WASF2: variants seen among roughly 807,000 people sequenced by gnomAD.
WASF2 encodes the protein WASP family member 2, also known as actin-binding protein WASF2.
A neutral mutation model predicts 45.0 loss-of-function variants in WASF2; 14 were observed. That is an observed-to-expected ratio of 0.31 (90% CI 0.21 to 0.49). The LOEUF (loss-of-function observed/expected upper bound fraction) is 0.49. WASF2 is among the 20% of genes least tolerant of loss of function. WASF2 has a pLI of 0.99. For missense variants in WASF2, 439 were observed against 636.1 expected (o/e 0.69, Z 3.33); for synonymous variants, 200 against 236.3 (o/e 0.85, Z 1.41).
intron 1 of WASF2, among the ~76,000 whole-genome samples, chr1:27,433,029 CT>C (rs1372252981): frequency 6.6e-6 from 1 of 152,198 alleles, no homozygotes; most frequent in Admixed American, 6.5e-5. Context: ...TCCCAAAGTG[CT>C]GGGATTACAG....
At chr1:27,454,139 G>A (rs1310452517) in intron 1 of WASF2, among the ~76,000 whole-genome samples, 1,277 of 5,604 alleles carry the variant, frequency 0.23, 15 homozygotes, top group African/African-American at 0.28. Flanking sequence ...ATATATATGT[G>A]TGTGTGTGTG....
At chr1:27,489,398 T>C (rs1221188920) in intron 1 of WASF2, among the ~76,000 whole-genome samples, 14 of 66,246 alleles carry the variant, frequency 2.1e-4, no homozygotes, top group Non-Finnish European at 2.5e-4. Context: ...CACAGTGTCC[T>C]CCTCAATTTA....
chr1:27,440,126 C>T (rs531013787), intron 1 of WASF2, among the ~76,000 whole-genome samples: 53 of 152,314 alleles, frequency 3.5e-4, no homozygotes, highest in African/African-American at 1.2e-3. Context: ...AAGTCTTGAA[C>T]TTTACCACTA....
chr1:27,439,545 T>C (rs919737804), intron 1 of WASF2, among the ~76,000 whole-genome samples: 1 of 152,198 alleles, frequency 6.6e-6, no homozygotes, highest in African/African-American at 2.4e-5. Flanking sequence ...GTATAAAATC[T>C]CTTCCCTTGA....
chr1:27,409,704 C>G lies in WASF2; in HGVS notation c.1327G>C (p.Ala443Pro). 6.7e-7 allele frequency: 1 copy of G among 1,500,244 alleles called. No homozygotes were observed. Among genetic ancestry groups the G allele is most frequent in the Non-Finnish European group, 8.9e-7 (1 of 1,124,466 alleles). 92.9% of individuals were successfully genotyped at this position (1,500,244 alleles called of 1,614,324 possible). The change falls in exon 8 of 9, where the codon GCC becomes CCC. Residue 443 changes from alanine (A) to proline (P), a missense_variant. This residue lies in a region of WASF2 where 286 missense variants were observed against 373.5 expected (regional missense o/e 0.77). Coordinates refer to ENST00000618852, the MANE Select transcript of WASF2 (RefSeq NM_006990.5). ...CATTGAAATTTACCTTGACGGATGGCTGAAAGCAGGTCGCTACGGGCATCG... is the reference window on the plus strand; with the variant it reads ...CATTGAAATTTACCTTGACGGATGGGTGAAAGCAGGTCGCTACGGGCATCG... ...VSDARSDLLS[A>P]IRQGFQLRRV...
chr1:27,430,608 T>C (rs1240072009), intron 1 of WASF2, among the ~76,000 whole-genome samples: 2 of 151,806 alleles, frequency 1.3e-5, no homozygotes, highest in Non-Finnish European at 2.9e-5. Flanking sequence ...CCTCCCAAAG[T>C]GCTGGGACTA....
Position 27,410,838 on chromosome 1 carries a change from T to C in WASF2, c.825-632A>G. Among the ~76,000 whole-genome samples the C allele has an allele frequency of 6.6e-6, 1 of 152,176 alleles. No individual in the cohort carries two copies. The highest frequency in any genetic ancestry group is 2.1e-4 in the South Asian group (1 of 4,828). The stretch of plus-strand genomic sequence containing the variant: ...AATCTGCAGAGATGGGAAATGAATG[T>C]GCCACCAGACTCCTGACCCAGGCCT... On this transcript the variant is annotated intron_variant, in intron 7 of 8. Coordinates refer to ENST00000618852, the MANE Select transcript of WASF2 (RefSeq NM_006990.5). The surrounding 1 kb of genome is among the most constrained non-coding windows in gnomAD (Gnocchi z 4.2).
chr1:27,446,245 C>T (rs2017308775), intron 1 of WASF2, among the ~76,000 whole-genome samples: 1 of 152,040 alleles, frequency 6.6e-6, no homozygotes, highest in African/African-American at 2.4e-5. Context: ...GTATCTCTTT[C>T]AATATATATA....
intron 1 of WASF2, among the ~76,000 whole-genome samples, chr1:27,488,345 CAAAG>C (rs1457194046): frequency 6.6e-6 from 1 of 152,106 alleles, no homozygotes; most frequent in East Asian, 1.9e-4. Flanking sequence ...ACAGGTTGCA[CAAAG>C]AAAGGGATAT....
intron 1 of WASF2, among the ~76,000 whole-genome samples, chr1:27,455,991 GATGAAC>G (rs1384315140): frequency 1.3e-5 from 2 of 152,066 alleles, no homozygotes; most frequent in Non-Finnish European, 2.9e-5. Context: ...TGGACAGAAA[GATGAAC>G]ATAAATCTAC....
At position 27,456,989 on chromosome 1, in the gene WASF2, G is replaced by A. The variant is rs530160191; in HGVS notation, c.-43-28056C>T. The stretch of plus-strand genomic sequence containing the variant: ...ACTCCTGACCTCAGGTGATCTGCCC[G>A]TCTCGGCCCCCCAAAGTGCTGGGAT... On this transcript the variant is annotated intron_variant, in intron 1 of 8. Coordinates refer to ENST00000618852, the MANE Select transcript of WASF2 (RefSeq NM_006990.5). Among the ~76,000 whole-genome samples, 36 of 151,952 alleles carry A rather than the reference G, an allele frequency of 2.4e-4. No homozygotes were observed. In the South Asian group the frequency reaches 2.5e-3, roughly 11 times the overall value.
At chr1:27,422,359 CCT>C (rs2148107835) in intron 2 of WASF2, among the ~76,000 whole-genome samples, 1 of 152,192 alleles carries the variant, frequency 6.6e-6, no homozygotes, top group Non-Finnish European at 1.5e-5. Flanking sequence ...GTGGCTCATG[CCT>C]GTAATCCCAG....
At chr1:27,441,500 T>A (rs1029734965) in intron 1 of WASF2, among the ~76,000 whole-genome samples, 3 of 151,636 alleles carry the variant, frequency 2.0e-5, no homozygotes, top group African/African-American at 7.3e-5. Context: ...ACGCCTGTAA[T>A]CCCAGCACTT....
chr1:27,468,532 T>C lies in WASF2; in HGVS notation c.-44+21454A>G, dbSNP rs368036917. Reference sequence around the variant, plus strand: ...GGCTAATGCCTGCAATCCCAGCTACTCAGGAGGCTGAGGTAGGAGAATCAT... The same window carrying C: ...GGCTAATGCCTGCAATCCCAGCTACCCAGGAGGCTGAGGTAGGAGAATCAT... On this transcript the variant is annotated intron_variant, in intron 1 of 8. Coordinates refer to ENST00000618852, the MANE Select transcript of WASF2 (RefSeq NM_006990.5). Among the ~76,000 whole-genome samples, 54 of 150,978 alleles carry C rather than the reference T, an allele frequency of 3.6e-4. No individual in the cohort carries two copies. In the South Asian group the frequency reaches 0.011, roughly 32 times the overall value.
chr1:27,483,253 T>C (rs1454669732), intron 1 of WASF2, among the ~76,000 whole-genome samples: 2 of 151,838 alleles, frequency 1.3e-5, no homozygotes, highest in East Asian at 3.9e-4. Flanking sequence ...GTAGATCACC[T>C]GAGGTCAGGA....
intron 1 of WASF2, among the ~76,000 whole-genome samples, chr1:27,445,321 C>G (rs1476374945): frequency 6.6e-6 from 1 of 152,118 alleles, no homozygotes. Context: ...TTATGAAAGT[C>G]ACACAGACAG....
Position 27,412,698 on chromosome 1 carries a change from C to T in WASF2, c.698G>A (p.Gly233Asp), listed in dbSNP as rs774988872. 6.2e-6 allele frequency: 10 copies of T among 1,614,190 alleles called. No homozygotes were observed. Among genetic ancestry groups the T allele is most frequent in the Non-Finnish European group, 7.6e-6 (9 of 1,180,036 alleles). The part of the protein sequence containing the change: ...GYPPTLVYQN[G>D]SIGCVENVDA... ...CACGTTTTCAACACAGCCAATGCTGCCATTCTGGTACACCAAAGTGGGTGG... is the reference window on the plus strand; with the variant it reads ...CACGTTTTCAACACAGCCAATGCTGTCATTCTGGTACACCAAAGTGGGTGG... Residue 233 changes from glycine to aspartate, a missense_variant, in exon 7 of 9, where the codon GGC (glycine) becomes GAC (aspartate). This residue lies in a region of WASF2 where 286 missense variants were observed against 373.5 expected (regional missense o/e 0.77). Coordinates refer to ENST00000618852, the MANE Select transcript of WASF2 (RefSeq NM_006990.5).
chr1:27,471,985 G>C (rs775901827), intron 1 of WASF2, among the ~76,000 whole-genome samples: 1 of 152,016 alleles, frequency 6.6e-6, no homozygotes, highest in Admixed American at 6.6e-5. Context: ...CCTCAATCAA[G>C]TCCTGCCCCC....
chr1:27,480,427 G>T (rs1035464713), intron 1 of WASF2, among the ~76,000 whole-genome samples: 2 of 151,662 alleles, frequency 1.3e-5, no homozygotes, highest in Non-Finnish European at 2.9e-5. Flanking sequence ...TAAGGCACAA[G>T]AATCGCTTGG....
Sources: gnomAD v4.1 joint callset for allele counts (sites outside exome capture counted in the v4.1 genomes callset) on GRCh38, gnomAD v4.1.1 for gene constraint, gnomAD v4.1.1 regional missense constraint, Gnocchi (gnomAD v3.1) non-coding constraint, MANE v1.5 for transcripts, NCBI Gene and HGNC (gene_info 2026-07-23, HGNC 2026-07-21) for gene names.